LPP: variants seen among roughly 807,000 people sequenced by gnomAD.
The protein encoded by LPP is LIM domain containing preferred translocation partner in lipoma, also known as lipoma-preferred partner.
In LPP, 38 loss-of-function variants were observed where a neutral mutation model predicts 60.4. The observed-to-expected ratio is 0.63, with a 90% CI of 0.49 to 0.83. The LOEUF is 0.83. Ranked by LOEUF, LPP falls within the 40% of genes least tolerant of loss-of-function variation. The pLI is 0.00. For synonymous variants in LPP, 328 were observed against 290.8 expected, an observed-to-expected ratio of 1.13 and a Z score of -1.30; for missense variants, 902 against 783.6, an observed-to-expected ratio of 1.15 and a Z score of -1.80.
At chr3:188,292,543 T>G (rs1353644309) in intron 2 of LPP, among the ~76,000 whole-genome samples, 1 of 152,166 alleles carries the variant, frequency 6.6e-6, no homozygotes, top group Non-Finnish European at 1.5e-5. Flanking sequence ...GACTTAAGGG[T>G]CTGCACTATA....
chr3:188,153,583 CCT>C (rs1560063560), upstream of LPP: 1 of 152,414 alleles, frequency 6.6e-6, no homozygotes, highest in Non-Finnish European at 1.5e-5. Flanking sequence ...TCCACATCTC[CCT>C]CTTTCTCTTC....
chr3:188,359,400 A>G (rs1276002544), intron 3 of LPP, among the ~76,000 whole-genome samples: 3 of 152,194 alleles, frequency 2.0e-5, no homozygotes, highest in Non-Finnish European at 4.4e-5. Context: ...GCCAACCACA[A>G]GAACTCTAGC....
intron 7 of LPP, among the ~76,000 whole-genome samples, chr3:188,663,196 A>G (rs79074897): frequency 0.032 from 4,928 of 152,338 alleles, 268 homozygotes; most frequent in African/African-American, 0.11. Flanking sequence ...AGTAACCTGC[A>G]CGTGTGTTGA....
intron 3 of LPP, among the ~76,000 whole-genome samples, chr3:188,402,219 C>T (rs1009221473): frequency 1.3e-5 from 2 of 151,806 alleles, no homozygotes; most frequent in African/African-American, 2.4e-5. Context: ...AGAAAACTCC[C>T]CTATCAAAAC....
At chr3:188,405,925 T>G (rs930792608) in intron 3 of LPP, among the ~76,000 whole-genome samples, 187 bp from the exon 4 acceptor site, 1 of 152,116 alleles carries the variant, frequency 6.6e-6, no homozygotes, top group East Asian at 1.9e-4. Context: ...CTCCTTTTCC[T>G]CCTCCTCTTT....
chr3:188,489,164 T>C (rs1209853728), intron 5 of LPP, among the ~76,000 whole-genome samples: 1 of 152,194 alleles, frequency 6.6e-6, no homozygotes, highest in Non-Finnish European at 1.5e-5. Flanking sequence ...TATGGGTAAT[T>C]ATGATAGGTG....
rs1303518361 is a variant in LPP, at chr3:188,889,137, C to T, written c.*14658C>T. 8.8e-6 allele frequency: 2 copies of T among 227,320 alleles called. No individual in the cohort carries two copies. Among genetic ancestry groups the T allele is most frequent in the East Asian group, 1.3e-4 (2 of 15,932 alleles). 14.1% of individuals were successfully genotyped at this position (227,320 alleles called of 1,614,324 possible). A position where few individuals can be genotyped will look rare whatever the true frequency, so the allele number is the denominator to read the frequency against. ...AAGTCTTGGCTGTGGGGATTGGAAG[C>T]TCAGGGGGCCAAATGTCCTTGCCAG... On this transcript the variant is annotated 3_prime_UTR_variant, in exon 12 of 12. Coordinates refer to ENST00000617246, the MANE Select transcript of LPP (RefSeq NM_001375462.1).
chr3:188,384,845 C>T (rs1249992321), intron 3 of LPP, among the ~76,000 whole-genome samples: 2 of 149,698 alleles, frequency 1.3e-5, no homozygotes, highest in South Asian at 4.2e-4. Context: ...TCCCGGAGTC[C>T]TTTCCATGAT....
intron 9 of LPP, among the ~76,000 whole-genome samples, chr3:188,790,736 C>T (rs537729612): frequency 5.9e-5 from 9 of 151,680 alleles, no homozygotes; most frequent in Admixed American, 2.0e-4. Context: ...GCAGGAGAGT[C>T]GCTTGAACCA....
At chr3:188,869,939 A>G (rs1373665230) in intron 10 of LPP, among the ~76,000 whole-genome samples, 1 of 152,204 alleles carries the variant, frequency 6.6e-6, no homozygotes, top group African/African-American at 2.4e-5. Flanking sequence ...ACACACACGT[A>G]CACATTTTCT....
intron 4 of LPP, among the ~76,000 whole-genome samples, chr3:188,459,289 G>A (rs577977082): frequency 6.6e-5 from 10 of 152,084 alleles, no homozygotes; most frequent in African/African-American, 1.2e-4. Flanking sequence ...TGGCACCTAG[G>A]GTAACAACTT....
chr3:188,580,974 C>A (rs917898730), intron 6 of LPP, among the ~76,000 whole-genome samples: 2 of 152,028 alleles, frequency 1.3e-5, no homozygotes, highest in Admixed American at 1.3e-4. Flanking sequence ...CAGGCTCAAC[C>A]AGGTTATCTA....
intron 4 of LPP, among the ~76,000 whole-genome samples, chr3:188,457,860 G>C (rs1053423151): frequency 1.4e-4 from 21 of 152,134 alleles, no homozygotes; most frequent in African/African-American, 4.8e-4. Context: ...AGTGATCCGA[G>C]ATCACGCCCC....
At chr3:188,291,837 A>G (rs1417349899) in intron 2 of LPP, among the ~76,000 whole-genome samples, 1 of 151,996 alleles carries the variant, frequency 6.6e-6, no homozygotes, top group African/African-American at 2.4e-5. Flanking sequence ...AGAGAAGTGA[A>G]ATAAGTTTTC....
At chr3:188,539,542 T>G (rs1824560919) in intron 6 of LPP, among the ~76,000 whole-genome samples, 1 of 152,130 alleles carries the variant, frequency 6.6e-6, no homozygotes, top group Non-Finnish European at 1.5e-5. Flanking sequence ...GAAGTACAAC[T>G]TAGGCTGCCT....
chr3:188,649,362 A>G (rs1851665076), intron 7 of LPP, among the ~76,000 whole-genome samples: 1 of 152,210 alleles, frequency 6.6e-6, no homozygotes, highest in Non-Finnish European at 1.5e-5. Context: ...GATTTGCCAG[A>G]GTGGCCTCCA....
intron 3 of LPP, among the ~76,000 whole-genome samples, chr3:188,384,146 C>T (rs1777585156): frequency 2.6e-5 from 4 of 152,146 alleles, no homozygotes; most frequent in African/African-American, 7.2e-5. Flanking sequence ...GTGTCTTTGA[C>T]GAAGTTTATG....
At chr3:188,550,367 A>G (rs1224847900) in intron 6 of LPP, among the ~76,000 whole-genome samples, 1 of 152,066 alleles carries the variant, frequency 6.6e-6, no homozygotes, top group Non-Finnish European at 1.5e-5. Flanking sequence ...TCACAAGGTC[A>G]GGAGATCGAG....
Position 188,501,298 on chromosome 3 carries a change from C to T in LPP, c.306+16594C>T, listed in dbSNP as rs139053930. On this transcript the variant is annotated intron_variant, in intron 5 of 11. Coordinates refer to ENST00000617246, the MANE Select transcript of LPP (RefSeq NM_001375462.1). ...TTTTTCTATTTCCCTTGTGATTTCT[C>T]CTTTGATCCATTGTTTGTTAAAGAG... is the stretch of plus-strand genomic sequence containing the variant. Among the ~76,000 whole-genome samples, 316 of 152,210 alleles carry T rather than the reference C, an allele frequency of 2.1e-3. 1 individual carries two copies. The highest frequency in any genetic ancestry group is 6.2e-3 in the African/African-American group (259 of 41,522).
Sources: gnomAD v4.1 joint callset for allele counts (sites outside exome capture counted in the v4.1 genomes callset) on GRCh38, gnomAD v4.1.1 for gene constraint, MANE v1.5 for transcripts, NCBI Gene and HGNC (gene_info 2026-07-23, HGNC 2026-07-21) for gene names.